Variants in DNAI2 observed in about 807,000 individuals in gnomAD.
DNAI2 encodes the protein dynein axonemal intermediate chain 2, also known as dynein, axonemal, intermediate polypeptide 2.
Under a neutral mutation model 74.7 loss-of-function variants are expected in DNAI2, and 63 were observed. The ratio of observed to expected loss-of-function variants is 0.84; its 90% confidence interval spans 0.69 to 1.04. DNAI2 has a LOEUF of 1.04. DNAI2 is among the 50% of genes least tolerant of loss of function. The pLI, the probability that DNAI2 is intolerant of heterozygous loss-of-function variation, is 0.00. For missense variants in DNAI2, 688 were observed against 803.2 expected (o/e 0.86, Z 1.73); for synonymous variants, 289 against 314.9 (o/e 0.92, Z 0.87).
intron 6 of DNAI2, among the ~76,000 whole-genome samples, chr17:74,298,996 T>C (rs1430722685): frequency 6.6e-6 from 1 of 152,150 alleles, no homozygotes; most frequent in Non-Finnish European, 1.5e-5. Context: ...CTTGGAGAAA[T>C]ACTAAGTCAA....
chr17:74,314,476 C>A, intron 13 of DNAI2, 113 bp from the exon 14 acceptor site: 1 of 543,356 alleles, frequency 1.8e-6, no homozygotes, highest in South Asian at 1.9e-5. Context: ...ATTGTCTCAG[C>A]CACCCTGAGC....
intron 1 of DNAI2, 183 bp from the exon 2 acceptor site, chr17:74,281,624 T>A (rs1415812072): frequency 1.6e-6 from 1 of 626,674 alleles, no homozygotes; most frequent in Non-Finnish European, 2.8e-6. Context: ...TAGCATATAG[T>A]CGGCACTCAG....
chr17:74,310,511 T>C (rs898418647), intron 11 of DNAI2, among the ~76,000 whole-genome samples: 2 of 151,722 alleles, frequency 1.3e-5, no homozygotes, highest in African/African-American at 2.4e-5. Flanking sequence ...TGTATTATAT[T>C]ATATTGTATT....
In DNAI2 at chr17:74,314,679, G is replaced by A. The variant is rs564035231; in HGVS notation, c.*146G>A. 3.2e-5 allele frequency: 7 copies of A among 222,100 alleles called. No homozygotes were observed. In the South Asian group the frequency reaches 4.3e-4, roughly 14 times the overall value. 13.8% of individuals were successfully genotyped at this position (222,100 alleles called of 1,614,324 possible). On this transcript the variant is annotated 3_prime_UTR_variant, in exon 14 of 14. Coordinates refer to ENST00000311014, the MANE Select transcript of DNAI2 (RefSeq NM_023036.6). ...TTCTCCTCCATGATCGACCCTCCTC[G>A]TCCACCTACAAATCAGGAACAGAAA...
intron 7 of DNAI2, 141 bp downstream of exon 7, chr17:74,299,998 G>C: frequency 7.7e-7 from 1 of 1,301,852 alleles, no homozygotes; most frequent in African/African-American, 1.5e-5. Flanking sequence ...GCCCAGGCTG[G>C]AGTGCAATGG....
chr17:74,279,719 G>C (rs952041742), intron 1 of DNAI2, among the ~76,000 whole-genome samples: 1 of 152,166 alleles, frequency 6.6e-6, no homozygotes, highest in Non-Finnish European at 1.5e-5. Flanking sequence ...AGTAGAGATG[G>C]GTTTTCGCCA....
At chr17:74,282,112 T>C in intron 2 of DNAI2, 112 bp downstream of exon 2, 9 of 1,258,456 alleles carry the variant, frequency 7.2e-6, no homozygotes, top group Non-Finnish European at 7.9e-6. Flanking sequence ...CCAGTTAGAG[T>C]AGACCAAATG....
intron 4 of DNAI2, 65 bp from the exon 5 acceptor site, chr17:74,289,529 A>T: frequency 6.3e-7 from 1 of 1,585,786 alleles, no homozygotes; most frequent in Non-Finnish European, 8.5e-7. Context: ...ACAAAAAAAA[A>T]AAAAAGGGGG....
At position 74,312,237 on chromosome 17, in the gene DNAI2, G is replaced by T; in HGVS notation, c.1722+7G>T. On this transcript the variant is annotated splice_region_variant and intron_variant, in intron 12 of 13. Transcript: ENST00000311014. ...AAAGCTGACGCCAGTGCCTGTAGGG[G>T]CCTGGACAGGGGTTGGGTGGGTTGG... 7.3e-7 allele frequency: 1 copy of T among 1,373,466 alleles called. No individual in the cohort carries two copies. The highest frequency in any genetic ancestry group is 1.0e-6 in the Non-Finnish European group (1 of 985,590). 85.1% of individuals were successfully genotyped at this position (1,373,466 alleles called of 1,614,324 possible). A position where few individuals can be genotyped will look rare whatever the true frequency, so the allele number is the denominator to read the frequency against.
intron 1 of DNAI2, among the ~76,000 whole-genome samples, chr17:74,279,099 G>A (rs992281879): frequency 1.3e-5 from 2 of 152,180 alleles, no homozygotes; most frequent in African/African-American, 2.4e-5. Context: ...CCCGGGAGGC[G>A]GAGCTTGCAG....
chr17:74,309,127 G>T, intron 9 of DNAI2, 126 bp from the exon 10 acceptor site: 2 of 1,020,326 alleles, frequency 2.0e-6, no homozygotes, highest in Non-Finnish European at 1.5e-6. Context: ...CTAGAAGTCA[G>T]ACACAAGGAA....
rs140566944 is a variant in DNAI2 at position 74,294,732 on chromosome 17, G to C, written c.724+3599G>C. On this transcript the variant is annotated intron_variant, in intron 6 of 13. Transcript: ENST00000311014. The stretch of plus-strand genomic sequence containing the variant: ...GATGTTTCTAGGTATGGATATCTTT[G>C]AGTTTATCCCACTTGGAATTCATTG... Among the ~76,000 whole-genome samples, 655 of 152,224 alleles carry C rather than the reference G, an allele frequency of 4.3e-3. 3 individuals are homozygous for C. The highest frequency in any genetic ancestry group is 0.015 in the African/African-American group (611 of 41,528).
chr17:74,301,298 G>A, intron 8 of DNAI2, 130 bp downstream of exon 8: 1 of 1,370,116 alleles, frequency 7.3e-7, no homozygotes, highest in Non-Finnish European at 1.0e-6. Context: ...CCTCACTGCA[G>A]CCATCCTAGA....
intron 12 of DNAI2, among the ~76,000 whole-genome samples, chr17:74,313,427 A>G (rs1410325720): frequency 6.6e-6 from 1 of 152,040 alleles, no homozygotes; most frequent in East Asian, 1.9e-4. Context: ...CAAAACTAGA[A>G]TCCTGGATTC....
At chr17:74,309,849 G>A (rs2053411638) in intron 10 of DNAI2, 168 bp from the exon 11 acceptor site, 10 of 849,968 alleles carry the variant, frequency 1.2e-5, no homozygotes, top group South Asian at 6.0e-5. Flanking sequence ...GGGAAGCCAG[G>A]AGCCTTGACA....
At chr17:74,276,642 C>T (rs1039601353) in intron 1 of DNAI2, among the ~76,000 whole-genome samples, 2 of 152,146 alleles carry the variant, frequency 1.3e-5, no homozygotes, top group African/African-American at 4.8e-5. Context: ...TTTAAATGTC[C>T]CCTCTGTCTG....
chr17:74,291,108 G>T lies in DNAI2; in HGVS notation c.699G>T (p.Leu233=). Residue 233 remains leucine (L), a synonymous_variant, in exon 6 of 14, where the codon CTG becomes CTT. Transcript: ENST00000311014. ...ACCCCAAAGATTCCCACGTACTCCT[G>T]GGTGGCTGCTACAATGGACAGATAG... ...EFNPKDSHVL[L]GGCYNGQIAC... 10 of 1,614,044 alleles carry T rather than the reference G, an allele frequency of 6.2e-6. No homozygotes were observed. The highest frequency in any genetic ancestry group is 8.5e-6 in the Non-Finnish European group (10 of 1,179,940).
intron 9 of DNAI2, among the ~76,000 whole-genome samples, chr17:74,306,954 C>T (rs1349639864): frequency 6.6e-6 from 1 of 152,206 alleles, no homozygotes; most frequent in African/African-American, 2.4e-5. Flanking sequence ...TTCTCAGCCC[C>T]AACCCTGGGG....
intron 8 of DNAI2, among the ~76,000 whole-genome samples, chr17:74,303,196 T>C (rs1240517100): frequency 1.3e-5 from 2 of 152,040 alleles, no homozygotes; most frequent in Admixed American, 6.6e-5. Context: ...TGAGATTAGG[T>C]TGTGAGTCCT....
Sources: gnomAD v4.1 joint callset for allele counts (sites outside exome capture counted in the v4.1 genomes callset) on GRCh38, gnomAD v4.1.1 for gene constraint, MANE v1.5 for transcripts, NCBI Gene and HGNC (gene_info 2026-07-23, HGNC 2026-07-21) for gene names.